The following MAP3K15 variants were observed in gnomAD, a reference collection of about 807,000 sequenced individuals.
MAP3K15 encodes MAPK/ERK kinase kinase 15.
Under a neutral mutation model 99.5 loss-of-function variants are expected in MAP3K15, and 124 were observed. The observed-to-expected ratio is 1.25, with a 90% CI of 1.08 to 1.45. MAP3K15 has a LOEUF of 1.45. MAP3K15 is among the 40% of genes most tolerant of loss of function. The pLI is 0.00. For synonymous variants in MAP3K15, 494 were observed against 439.6 expected (o/e 1.12, Z -1.55); for missense variants, 1,242 against 1,079.7 (o/e 1.15, Z -2.11).
At chrX:19,455,640 A>G (rs1372754397) in intron 6 of MAP3K15, among the ~76,000 whole-genome samples, 1 of 104,607 alleles carries the variant, frequency 9.6e-6, no homozygotes, top group African/African-American at 3.5e-5. Flanking sequence ...GATTACAAGC[A>G]TGAGCCACTG....
intron 3 of MAP3K15, among the ~76,000 whole-genome samples, chrX:19,472,207 G>A (rs1345530957): frequency 9.2e-6 from 1 of 108,447 alleles, no homozygotes; most frequent in African/African-American, 3.4e-5. Flanking sequence ...CTGGGCCATA[G>A]AGCGAGACTC....
At chrX:19,433,817 G>A (rs1322915393) in intron 6 of MAP3K15, among the ~76,000 whole-genome samples, 2 of 111,949 alleles carry the variant, frequency 1.8e-5, no homozygotes, top group Non-Finnish European at 3.8e-5. Context: ...CTTTTTTCAA[G>A]AATTTTTTGA....
At chrX:19,505,390 C>T (rs1043309700) in intron 1 of MAP3K15, among the ~76,000 whole-genome samples, 1 of 112,153 alleles carries the variant, frequency 8.9e-6, no homozygotes, top group African/African-American at 3.2e-5. Context: ...CTATAACAAA[C>T]GATGCCAAAA....
chrX:19,403,230 C>G (rs1330532751), intron 13 of MAP3K15, among the ~76,000 whole-genome samples: 3 of 110,542 alleles, frequency 2.7e-5, no homozygotes, highest in Non-Finnish European at 5.7e-5. Context: ...TTATACGTTA[C>G]ACATCAATAA....
At position 19,431,394 on chromosome X, in the gene MAP3K15, C is replaced by T. The variant is rs73455614; in HGVS notation, c.1166+44G>A. The T allele has an allele frequency of 2.2e-3, 2,595 of 1,160,211 alleles. 43 individuals are homozygous for T. In the African/African-American group the frequency reaches 0.04, roughly 18 times the overall value. ...CATCCTTAGCCTATGCGATTCTGTT[C>T]CTTGAAGAGATGCAAGTGCTCATAA... On this transcript the variant is annotated intron_variant, in intron 7 of 28. Transcript: ENST00000338883.
At chrX:19,415,053 C>G in intron 10 of MAP3K15, 54 bp downstream of exon 10, 4 of 1,025,560 alleles carry the variant, frequency 3.9e-6, no homozygotes, top group Non-Finnish European at 5.1e-6. Context: ...TAAATAGCAC[C>G]AATCCCTAGT....
rs758923676 is a variant in MAP3K15, at chrX:19,485,816, G to A, written c.525+666C>T. 4.7e-4 allele frequency among the ~76,000 whole-genome samples: 52 copies of A among 111,494 alleles called. No homozygotes were observed. In the South Asian group the frequency reaches 8.6e-3, roughly 19 times the overall value. On this transcript the variant is annotated intron_variant, in intron 3 of 28. Coordinates refer to ENST00000338883, the MANE Select transcript of MAP3K15 (RefSeq NM_001001671.4). ...GGTTTCTCAAACCACAATGCCATAGGTCTGGAGGGATGGGCAGCTTGGAGT... is the reference window on the plus strand; with the variant it reads ...GGTTTCTCAAACCACAATGCCATAGATCTGGAGGGATGGGCAGCTTGGAGT...
At chrX:19,503,758 AG>A (rs1454669081) in intron 1 of MAP3K15, among the ~76,000 whole-genome samples, 1 of 110,293 alleles carries the variant, frequency 9.1e-6, no homozygotes, top group Non-Finnish European at 1.9e-5. Flanking sequence ...GGCATTTTTC[AG>A]GCTCCTTCTT....
intron 3 of MAP3K15, among the ~76,000 whole-genome samples, chrX:19,472,122 G>A (rs1165067933): frequency 9.1e-6 from 1 of 109,971 alleles, no homozygotes; most frequent in Non-Finnish European, 1.9e-5. Flanking sequence ...TACTCCGGAG[G>A]CTGAGGGAGA....
intron 15 of MAP3K15, among the ~76,000 whole-genome samples, chrX:19,395,519 C>T (rs1269069658): frequency 9.0e-6 from 1 of 111,233 alleles, no homozygotes; most frequent in African/African-American, 3.3e-5. Context: ...AACCCACCAA[C>T]CATTCTTTAC....
intron 1 of MAP3K15, among the ~76,000 whole-genome samples, chrX:19,493,097 C>T (rs1385440013): frequency 9.0e-6 from 1 of 110,582 alleles, no homozygotes; most frequent in Non-Finnish European, 1.9e-5. Context: ...TAGAAACAGA[C>T]AAAGGGGAAT....
At chrX:19,415,718 TA>T (rs758416992) in intron 9 of MAP3K15, among the ~76,000 whole-genome samples, 53 of 103,730 alleles carry the variant, frequency 5.1e-4, no homozygotes, top group African/African-American at 6.9e-4. Context: ...CCTAGAAATA[TA>T]AAAAAAAAAA....
chrX:19,459,184 A>C (rs924588722), intron 5 of MAP3K15, among the ~76,000 whole-genome samples: 3 of 111,870 alleles, frequency 2.7e-5, no homozygotes, highest in African/African-American at 9.7e-5. Flanking sequence ...AACAAGGACA[A>C]CGGAGCATCA....
At chrX:19,468,901 T>G (rs2064187723) in intron 3 of MAP3K15, among the ~76,000 whole-genome samples, 1 of 111,645 alleles carries the variant, frequency 9.0e-6, no homozygotes, top group South Asian at 3.7e-4. Flanking sequence ...AGTTCACTCA[T>G]GATTTGGCTC....
intron 1 of MAP3K15, among the ~76,000 whole-genome samples, chrX:19,508,684 T>A (rs2064496567): frequency 9.1e-6 from 1 of 110,157 alleles, no homozygotes; most frequent in Non-Finnish European, 1.9e-5. Flanking sequence ...GGAATTCGAG[T>A]CCATAAGATC....
At chrX:19,376,384 C>T (rs1459132267) in intron 19 of MAP3K15, among the ~76,000 whole-genome samples, 1 of 110,494 alleles carries the variant, frequency 9.1e-6, no homozygotes, top group African/African-American at 3.3e-5. Context: ...CCTCTGCCTC[C>T]CCGAGGCATT....
intron 4 of MAP3K15, among the ~76,000 whole-genome samples, chrX:19,461,532 A>G (rs2064132883): frequency 8.9e-6 from 1 of 112,768 alleles, no homozygotes; most frequent in Admixed American, 9.4e-5. Flanking sequence ...AGCCAATGCT[A>G]TTATCTGGTA....
Position 19,361,561 on chromosome X carries a change from G to A in MAP3K15, c.3712C>T (p.Gln1238Ter), listed in dbSNP as rs770697702. The change falls in exon 27 of 29, where the codon CAG (glutamine) becomes TAG (stop). Residue 1238 changes from glutamine (Q) to a stop codon, truncating the protein, a stop_gained. Coordinates refer to ENST00000338883, the MANE Select transcript of MAP3K15 (RefSeq NM_001001671.4). LOFTEE classifies it high-confidence loss of function. Reference protein sequence around the residue: ...ITENPAGPYGQRTDKELIDWL... With the variant: ...ITENPAGPYG Reference sequence around the variant, plus strand: ...TCTATAAGCTCTTTATCTGTTCTCTGCCCGTAGGGGCCTGCTGGGTTCTCT... The same window carrying A: ...TCTATAAGCTCTTTATCTGTTCTCTACCCGTAGGGGCCTGCTGGGTTCTCT... The A allele has an allele frequency of 1.7e-6, 2 of 1,208,303 alleles. No homozygotes were observed. Among genetic ancestry groups the A allele is most frequent in the Admixed American group, 4.4e-5 (2 of 45,797 alleles).
chrX:19,398,047 G>C (rs1389588370), intron 15 of MAP3K15, among the ~76,000 whole-genome samples, 179 bp downstream of exon 15: 1 of 96,582 alleles, frequency 1.0e-5, no homozygotes, highest in African/African-American at 4.1e-5. Flanking sequence ...CTGGGCAATA[G>C]AGCGAGACTC....
Sources: allele counts gnomAD v4.1 joint callset (sites outside exome capture counted in the v4.1 genomes callset), GRCh38; gene constraint gnomAD v4.1.1; transcripts MANE v1.5; gene names NCBI Gene and HGNC (gene_info 2026-07-23, HGNC 2026-07-21).